KCTD16: variants seen among roughly 807,000 people sequenced by gnomAD.
KCTD16 encodes potassium channel tetramerization domain containing 16.
A neutral mutation model predicts 33.2 loss-of-function variants in KCTD16; 13 were observed. The observed-to-expected ratio is 0.39, with a 90% CI of 0.25 to 0.62. KCTD16 has a LOEUF of 0.62. Ranked by LOEUF, KCTD16 falls within the 20% of genes least tolerant of loss-of-function variation. The pLI is 0.50. For missense variants in KCTD16, 441 were observed against 525.1 expected (o/e 0.84, Z 1.57); for synonymous variants, 197 against 195.3 (o/e 1.01, Z -0.07).
intron 3 of KCTD16, among the ~76,000 whole-genome samples, chr5:144,211,566 A>G (rs528011800): frequency 2.0e-5 from 3 of 152,328 alleles, no homozygotes; most frequent in Admixed American, 2.0e-4. Context: ...TATAAAACAT[A>G]AATGAATTGC....
At chr5:144,400,254 A>C (rs951037820) in intron 3 of KCTD16, among the ~76,000 whole-genome samples, 1 of 152,206 alleles carries the variant, frequency 6.6e-6, no homozygotes, top group Admixed American at 6.5e-5. Flanking sequence ...AGAAATGCCC[A>C]CATACATTTG....
rs540912996 is a variant in KCTD16 at position 144,462,872 on chromosome 5, A to G, written c.833-10788A>G. ...TGTGTTAAGTGAATAAACCATGGAG[A>G]TAATAGTGGATTCCAACTTGAAGGG... On this transcript the variant is annotated intron_variant, in intron 3 of 3. Coordinates refer to ENST00000512467, the MANE Select transcript of KCTD16 (RefSeq NM_020768.4). Among the ~76,000 whole-genome samples the G allele has an allele frequency of 5.3e-5, 8 of 152,314 alleles. No homozygotes were observed. The South Asian group carries it at 6.2e-4, about 12-fold the overall frequency.
At chr5:144,206,094 T>C (rs1450978988) in intron 2 of KCTD16, 1 of 152,696 alleles carries the variant, frequency 6.5e-6, no homozygotes, top group African/African-American at 2.4e-5. Context: ...AAAATTCCCA[T>C]TTGGAAGTTG....
At chr5:144,351,506 T>A (rs1482991547) in intron 3 of KCTD16, among the ~76,000 whole-genome samples, 4 of 152,142 alleles carry the variant, frequency 2.6e-5, no homozygotes, top group Non-Finnish European at 5.9e-5. Context: ...CCTTAAAGAA[T>A]TAAAAATAGA....
chr5:144,377,165 G>A (rs540228569), intron 3 of KCTD16, among the ~76,000 whole-genome samples: 63 of 152,272 alleles, frequency 4.1e-4, no homozygotes, highest in African/African-American at 1.4e-3. Context: ...CTCTGTTCAA[G>A]GAGAAACATC....
chr5:144,221,996 T>C (rs530539329), intron 3 of KCTD16, among the ~76,000 whole-genome samples: 2 of 152,364 alleles, frequency 1.3e-5, no homozygotes, highest in African/African-American at 2.4e-5. Context: ...GTGGTTTTGA[T>C]TTGCATTTCT....
intron 3 of KCTD16, among the ~76,000 whole-genome samples, chr5:144,357,925 A>G (rs1751608793): frequency 6.6e-6 from 1 of 151,690 alleles, no homozygotes; most frequent in East Asian, 1.9e-4. Flanking sequence ...ATTTTTATTT[A>G]TTTATTTATG....
chr5:144,457,157 G>C (rs1754085313), intron 3 of KCTD16, among the ~76,000 whole-genome samples: 1 of 152,216 alleles, frequency 6.6e-6, no homozygotes, highest in African/African-American at 2.4e-5. Context: ...ACTAAAAGTT[G>C]TTTCATTTAT....
chr5:144,327,115 T>C (rs188301230), intron 3 of KCTD16, among the ~76,000 whole-genome samples: 246 of 152,242 alleles, frequency 1.6e-3, no homozygotes, highest in African/African-American at 5.7e-3. Flanking sequence ...ACGGTGAAGA[T>C]TTTGCCTCTA....
At chr5:144,439,937 G>T (rs1753664476) in intron 3 of KCTD16, among the ~76,000 whole-genome samples, 1 of 148,828 alleles carries the variant, frequency 6.7e-6, no homozygotes, top group South Asian at 2.1e-4. Flanking sequence ...TAAAGAGAAA[G>T]TTTTCATAAT....
At chr5:144,466,989 TATATATATTA>T (rs1754348840) in intron 3 of KCTD16, among the ~76,000 whole-genome samples, 1 of 46,508 alleles carries the variant, frequency 2.2e-5, no homozygotes, top group Non-Finnish European at 4.2e-5. Flanking sequence ...TATATAACAC[TATATATATTA>T]TATATATTAT....
chr5:144,271,825 T>C (rs1755306207), intron 3 of KCTD16, among the ~76,000 whole-genome samples: 1 of 151,608 alleles, frequency 6.6e-6, no homozygotes, highest in Admixed American at 6.6e-5. Context: ...GACAGCAGGA[T>C]ACAAAGTCAA....
chr5:144,391,039 C>T (rs770799814), intron 3 of KCTD16, among the ~76,000 whole-genome samples: 32 of 152,120 alleles, frequency 2.1e-4, no homozygotes, highest in African/African-American at 5.3e-4. Flanking sequence ...CTGCTCATTT[C>T]CCCCTCCATC....
intron 3 of KCTD16, among the ~76,000 whole-genome samples, chr5:144,262,314 G>T (rs1755035443): frequency 6.6e-6 from 1 of 152,208 alleles, no homozygotes; most frequent in South Asian, 2.1e-4. Context: ...ATGCACCAGG[G>T]CAAGGATAGC....
At chr5:144,410,945 G>A (rs1752918750) in intron 3 of KCTD16, among the ~76,000 whole-genome samples, 1 of 152,074 alleles carries the variant, frequency 6.6e-6, no homozygotes, top group Non-Finnish European at 1.5e-5. Context: ...CTAACCCCAA[G>A]TACCTTAGAA....
At chr5:144,231,167 G>A (rs184581448) in intron 3 of KCTD16, among the ~76,000 whole-genome samples, 33 of 152,122 alleles carry the variant, frequency 2.2e-4, no homozygotes, top group African/African-American at 7.0e-4. Flanking sequence ...AATTCATGTC[G>A]CTGTTGTTTG....
chr5:144,422,178 C>A (rs559610976), intron 3 of KCTD16, among the ~76,000 whole-genome samples: 1 of 152,202 alleles, frequency 6.6e-6, no homozygotes, highest in South Asian at 2.1e-4. Context: ...TATGTAAAAC[C>A]AGTGAATGCC....
chr5:144,431,991 T>C (rs1347351758), intron 3 of KCTD16, among the ~76,000 whole-genome samples: 2 of 152,166 alleles, frequency 1.3e-5, no homozygotes, highest in African/African-American at 4.8e-5. Flanking sequence ...TAAGCACTCA[T>C]TTTCTAATGC....
At chr5:144,332,697 G>T (rs1421110074) in intron 3 of KCTD16, among the ~76,000 whole-genome samples, 1 of 152,142 alleles carries the variant, frequency 6.6e-6, no homozygotes, top group Non-Finnish European at 1.5e-5. Flanking sequence ...AGGAGTTAGG[G>T]GTTGAGGAGG....
Sources: allele counts gnomAD v4.1 joint callset (sites outside exome capture counted in the v4.1 genomes callset), GRCh38; gene constraint gnomAD v4.1.1; transcripts MANE v1.5; gene names NCBI Gene and HGNC (gene_info 2026-07-23, HGNC 2026-07-21).